The following ERLIN2 variants were observed in gnomAD, a reference collection of about 807,000 sequenced individuals.
ERLIN2 encodes the protein ER lipid raft associated 2, also known as erlin-2.
In ERLIN2, 22 loss-of-function variants were observed where a neutral mutation model predicts 41.5. That is an observed-to-expected ratio of 0.53 (90% CI 0.38 to 0.76). The LOEUF (loss-of-function observed/expected upper bound fraction) is 0.76, where lower values mean the gene tolerates loss of function less well. Ranked by LOEUF, ERLIN2 falls within the 30% of genes least tolerant of loss-of-function variation. The probability of loss-of-function intolerance (pLI) is 0.00; values close to 1 mark genes in which losing one functional copy is unlikely to be tolerated. For synonymous variants in ERLIN2, 149 were observed against 150.9 expected, an observed-to-expected ratio of 0.99 and a Z score of 0.09; for missense variants, 247 against 414.3, an observed-to-expected ratio of 0.60 and a Z score of 3.51.
At chr8:37,746,728 T>C (rs1803065318) in intron 6 of ERLIN2, among the ~76,000 whole-genome samples, 1 of 152,220 alleles carries the variant, frequency 6.6e-6, no homozygotes, top group Admixed American at 6.5e-5. Flanking sequence ...TGGCTTTTCC[T>C]TCTTTGAGTA....
intron 2 of ERLIN2, among the ~76,000 whole-genome samples, chr8:37,738,417 T>C (rs1308570312): frequency 6.6e-6 from 1 of 150,468 alleles, no homozygotes; most frequent in Non-Finnish European, 1.5e-5. Context: ...CCTCTGGCAG[T>C]CTTAGCTCTA....
chr8:37,748,589 A>G (rs937884604), intron 6 of ERLIN2, among the ~76,000 whole-genome samples: 2 of 152,206 alleles, frequency 1.3e-5, no homozygotes, highest in African/African-American at 4.8e-5. Flanking sequence ...TCAGTGAAAG[A>G]GCGGAGACTT....
At chr8:37,751,181 G>T (rs1803210620) in intron 9 of ERLIN2, among the ~76,000 whole-genome samples, 2 of 152,190 alleles carry the variant, frequency 1.3e-5, no homozygotes, top group Admixed American at 6.5e-5. Context: ...AAGCACAGAG[G>T]GGTAAAATAC....
At chr8:37,736,848 G>A in intron 1 of ERLIN2, 170 bp downstream of exon 1, 1 of 985,936 alleles carries the variant, frequency 1.0e-6, no homozygotes, top group Non-Finnish European at 1.2e-6. Context: ...CTTGCGAGCC[G>A]CAGGGGGACC....
intron 6 of ERLIN2, chr8:37,747,801 A>C: frequency 1.2e-6 from 2 of 1,614,122 alleles, no homozygotes; most frequent in Non-Finnish European, 1.7e-6. Context: ...CTGTGTTACA[A>C]AACTTATGGG....
In ERLIN2 at chr8:37,757,467, C is replaced by T. The variant is rs757078295; in HGVS notation, c.*3352C>T. 7.9e-5 allele frequency: 12 copies of T among 152,036 alleles called. No homozygotes were observed. The highest frequency in any genetic ancestry group is 1.6e-4 in the Non-Finnish European group (11 of 68,010). The allele number at this position is 152,036 out of a possible 1,614,324, so 9.4% of individuals were successfully genotyped here. On this transcript the variant is annotated 3_prime_UTR_variant, in exon 12 of 12. Coordinates refer to ENST00000519638, the MANE Select transcript of ERLIN2 (RefSeq NM_007175.8). ...TGATGATTAAGTAGGCAAACTACTTCTACTTTCAAAGAGCCCCAAGGGCTT... is the reference window on the plus strand; with the variant it reads ...TGATGATTAAGTAGGCAAACTACTTTTACTTTCAAAGAGCCCCAAGGGCTT...
At chr8:37,748,781 G>A (rs142948952) in intron 6 of ERLIN2, among the ~76,000 whole-genome samples, 29 of 152,338 alleles carry the variant, frequency 1.9e-4, no homozygotes, top group Admixed American at 2.0e-4. Flanking sequence ...GCAAGGAAGA[G>A]GATTCTAAAA....
chr8:37,753,573 G>C (rs376724183), intron 11 of ERLIN2, 44 bp downstream of exon 11: 24 of 1,565,064 alleles, frequency 1.5e-5, no homozygotes, highest in Admixed American at 1.0e-4. Context: ...CTTTGGGTCT[G>C]GGTCTGTATT....
chr8:37,746,087 T>C, intron 6 of ERLIN2: 3 of 993,480 alleles, frequency 3.0e-6, no homozygotes, highest in Non-Finnish European at 3.6e-6. Flanking sequence ...TGGGGAAATA[T>C]ATTTGCTTTG....
At chr8:37,749,521 G>T in intron 6 of ERLIN2, 38 bp from the exon 7 acceptor site, 1 of 1,473,266 alleles carries the variant, frequency 6.8e-7, no homozygotes, top group Non-Finnish European at 9.5e-7. Context: ...TCTAGAAAGT[G>T]TAACAACTCC....
Position 37,741,718 on chromosome 8 carries a change from A to G in ERLIN2, c.190-54A>G. On this transcript the variant is annotated intron_variant, in intron 3 of 11. Coordinates refer to ENST00000519638, the MANE Select transcript of ERLIN2 (RefSeq NM_007175.8). This position sits in a 1 kb window ranked among gnomAD's most constrained non-coding sequence, Gnocchi z 4.8. Reference sequence around the variant, plus strand: ...AAAGGCATTTAGGATTCTGAAAAGTAAGTTACTTTGTCACTGCCCATCTTC... The same window carrying G: ...AAAGGCATTTAGGATTCTGAAAAGTGAGTTACTTTGTCACTGCCCATCTTC... 1.5e-6 allele frequency: 2 copies of G among 1,373,516 alleles called. No homozygotes were observed. Among genetic ancestry groups the G allele is most frequent in the South Asian group, 1.2e-5 (1 of 86,272 alleles). The allele number at this position is 1,373,516 out of a possible 1,614,324, so 85.1% of individuals were successfully genotyped here.
intron 10 of ERLIN2, among the ~76,000 whole-genome samples, chr8:37,752,297 C>T (rs1391829995): frequency 6.6e-6 from 1 of 152,174 alleles, no homozygotes; most frequent in Non-Finnish European, 1.5e-5. Flanking sequence ...CACTGCCCAC[C>T]TCTTACTTCT....
chr8:37,750,556 G>A lies in ERLIN2; in HGVS notation c.649+70G>A, dbSNP rs1419926700. 1.1e-5 allele frequency: 14 copies of A among 1,326,464 alleles called. No homozygotes were observed. The Admixed American group carries it at 1.2e-4, about 11-fold the overall frequency. The allele number at this position is 1,326,464 out of a possible 1,614,324, so 82.2% of individuals were successfully genotyped here. ...GGGGGTGGTGGGAAGATGCAAGGAG[G>A]CTAAGGCCTGGTGAGACCCCATGGT... is the stretch of plus-strand genomic sequence containing the variant. On this transcript the variant is annotated intron_variant, in intron 9 of 11. Coordinates refer to ENST00000519638, the MANE Select transcript of ERLIN2 (RefSeq NM_007175.8).
In ERLIN2 at chr8:37,738,045, G is replaced by A. The variant is rs1279737841; in HGVS notation, c.107+16G>A. ...TATATTACAGGTAAGGCAGAGACAG[G>A]GAGAAGCCGGCAACTTCCTGTTAAA... On this transcript the variant is annotated intron_variant, in intron 2 of 11. Coordinates refer to ENST00000519638, the MANE Select transcript of ERLIN2 (RefSeq NM_007175.8). 1.9e-6 allele frequency: 3 copies of A among 1,613,838 alleles called. No individual in the cohort carries two copies. The highest frequency in any genetic ancestry group is 1.3e-5 in the African/African-American group (1 of 74,920).
chr8:37,736,723 C>T (rs928557758), intron 1 of ERLIN2, 45 bp downstream of exon 1: 14 of 985,650 alleles, frequency 1.4e-5, no homozygotes, highest in Non-Finnish European at 1.7e-5. Context: ...GCCTAGCTGC[C>T]GCTCAGGGTC....
chr8:37,746,333 C>T, intron 6 of ERLIN2: 1 of 984,544 alleles, frequency 1.0e-6, no homozygotes, highest in Non-Finnish European at 1.2e-6. Context: ...AAAGTATTAT[C>T]TAATACTTTG....
chr8:37,755,748 A>G lies in ERLIN2; in HGVS notation c.*1633A>G, dbSNP rs1803345796. The G allele has an allele frequency of 1.3e-5, 2 of 152,106 alleles. No homozygotes were observed. The highest frequency in any genetic ancestry group is 1.3e-4 in the Admixed American group (2 of 15,262). 9.4% of individuals were successfully genotyped at this position (152,106 alleles called of 1,614,324 possible). A position where few individuals can be genotyped will look rare whatever the true frequency, so the allele number is the denominator to read the frequency against. ...TTGGGAGCATTGAGCCTGCCTAGAA[A>G]GATACAGTGTTAGCTCCCCTTACTT... On this transcript the variant is annotated 3_prime_UTR_variant, in exon 12 of 12. Transcript: ENST00000519638.
In ERLIN2 at chr8:37,749,793, G is replaced by A. The variant is rs398123002; in HGVS notation, c.499-1G>A. On this transcript the variant is annotated splice_acceptor_variant, in intron 7 of 11. Transcript: ENST00000519638. LOFTEE classifies it high-confidence loss of function. ...CAGCTGCTGTTTTAATCTCTCTCCA[G>A]GCTGTGCGGGTAACAAAGCCCAACA... 1 of 1,613,978 alleles carries A rather than the reference G, an allele frequency of 6.2e-7. No individual in the cohort carries two copies. Among genetic ancestry groups the A allele is most frequent in the African/African-American group, 1.3e-5 (1 of 74,926 alleles).
rs1353833192 is a variant in ERLIN2, at chr8:37,741,306, T to A, written c.190-466T>A. On this transcript the variant is annotated intron_variant, in intron 3 of 11. Transcript: ENST00000519638. The surrounding 1 kb of genome is among the most constrained non-coding windows in gnomAD (Gnocchi z 4.8). ...GAGAGAGAGACCACCTTCAAATAAC[T>A]TTTATGACAGTATATTGTTATAATT... Among the ~76,000 whole-genome samples the A allele has an allele frequency of 6.6e-6, 1 of 152,182 alleles. No individual in the cohort carries two copies. The highest frequency in any genetic ancestry group is 1.5e-5 in the Non-Finnish European group (1 of 68,038).
Sources: allele counts gnomAD v4.1 joint callset (sites outside exome capture counted in the v4.1 genomes callset), GRCh38; gene constraint gnomAD v4.1.1; non-coding constraint Gnocchi (gnomAD v3.1); transcripts MANE v1.5; gene names NCBI Gene and HGNC (gene_info 2026-07-23, HGNC 2026-07-21).